HCN1: variants seen among roughly 807,000 people sequenced by gnomAD.
The protein encoded by HCN1 is potassium/sodium hyperpolarization-activated cyclic nucleotide-gated channel 1.
HCN1 carries 13 observed loss-of-function variants against 78.9 expected under a neutral mutation model. The observed-to-expected ratio is 0.16, with a 90% CI of 0.11 to 0.26. HCN1 has a LOEUF of 0.26. Ranked by LOEUF, HCN1 falls within the 10% of genes least tolerant of loss-of-function variation. The pLI is 1.00. For synonymous variants in HCN1, 552 were observed against 455.5 expected, an observed-to-expected ratio of 1.21 and a Z score of -2.70; for missense variants, 810 against 1,154.3, an observed-to-expected ratio of 0.70 and a Z score of 4.32.
At chr5:45,262,889 A>G (rs1334958196) in intron 7 of HCN1, 79 bp from the exon 8 acceptor site, 1 of 1,474,604 alleles carries the variant, frequency 6.8e-7, no homozygotes, top group African/African-American at 1.4e-5. Flanking sequence ...GGCTCCTGCA[A>G]ACAGAAGTAT....
chr5:45,616,827 A>G (rs1283771114), intron 2 of HCN1, among the ~76,000 whole-genome samples: 1 of 152,070 alleles, frequency 6.6e-6, no homozygotes, highest in Non-Finnish European at 1.5e-5. Flanking sequence ...TAATCAAAAT[A>G]AAGTAACTAT....
At chr5:45,692,746 G>A (rs187383177) in intron 1 of HCN1, among the ~76,000 whole-genome samples, 1 of 152,192 alleles carries the variant, frequency 6.6e-6, no homozygotes, top group Admixed American at 6.5e-5. Context: ...AGTCTCAGTG[G>A]GAGCACAGCC....
intron 2 of HCN1, among the ~76,000 whole-genome samples, chr5:45,601,585 C>A (rs1339693016): frequency 1.3e-5 from 2 of 152,116 alleles, no homozygotes; most frequent in Non-Finnish European, 2.9e-5. Context: ...GAGGAAAGCA[C>A]ATGATCTTTT....
intron 2 of HCN1, among the ~76,000 whole-genome samples, chr5:45,602,389 A>T (rs1390082379): frequency 2.0e-5 from 3 of 152,156 alleles, no homozygotes; most frequent in Non-Finnish European, 2.9e-5. Context: ...CAGAGGAAAG[A>T]CCATGTGAGG....
intron 3 of HCN1, among the ~76,000 whole-genome samples, chr5:45,410,455 C>A (rs577852073): frequency 1.3e-5 from 2 of 152,064 alleles, no homozygotes; most frequent in South Asian, 4.1e-4. Flanking sequence ...TATAGAGAAC[C>A]ATTCTCCTAT....
chr5:45,574,084 T>C lies in HCN1; in HGVS notation c.849+71101A>G, dbSNP rs549185151. Among the ~76,000 whole-genome samples, 12 of 152,232 alleles carry C rather than the reference T, an allele frequency of 7.9e-5. No homozygotes were observed. In the East Asian group the frequency reaches 2.3e-3, roughly 29 times the overall value. ...AGTATATGAATCATAAAATTTTATT[T>C]TTCCTATCCTATCCACAATACCATG... On this transcript the variant is annotated intron_variant, in intron 2 of 7. Coordinates refer to ENST00000303230, the MANE Select transcript of HCN1 (RefSeq NM_021072.4).
intron 2 of HCN1, among the ~76,000 whole-genome samples, chr5:45,499,068 T>G (rs1224461219): frequency 6.6e-6 from 1 of 152,184 alleles, no homozygotes; most frequent in African/African-American, 2.4e-5. Flanking sequence ...AGGTGGAGCC[T>G]ACAGAGGCAG....
intron 1 of HCN1, among the ~76,000 whole-genome samples, chr5:45,687,551 A>T (rs1301038259): frequency 6.6e-6 from 1 of 152,012 alleles, no homozygotes; most frequent in Non-Finnish European, 1.5e-5. Flanking sequence ...TTTCATAGCA[A>T]CGTGTTCTTA....
chr5:45,512,251 T>G (rs1742431365), intron 2 of HCN1, among the ~76,000 whole-genome samples: 1 of 152,116 alleles, frequency 6.6e-6, no homozygotes, highest in Non-Finnish European at 1.5e-5. Context: ...AAATGCTATT[T>G]GCTAGGAACA....
rs190722862 is a variant in HCN1 at position 45,445,190 on chromosome 5, C to T, written c.1011+16656G>A. Among the ~76,000 whole-genome samples the T allele has an allele frequency of 1.8e-3, 268 of 152,282 alleles. 1 individual carries two copies. The highest frequency in any genetic ancestry group is 6.2e-3 in the African/African-American group (259 of 41,562). ...TCGGGTCACTCCCACCCGAATACTG[C>T]ACTTTTCTGACGGGCTTAGAAAACG... On this transcript the variant is annotated intron_variant, in intron 3 of 7. Coordinates refer to ENST00000303230, the MANE Select transcript of HCN1 (RefSeq NM_021072.4).
At chr5:45,285,965 G>T (rs973261888) in intron 6 of HCN1, among the ~76,000 whole-genome samples, 1 of 151,574 alleles carries the variant, frequency 6.6e-6, no homozygotes, top group Admixed American at 6.6e-5. Flanking sequence ...TTATAGTTTG[G>T]GGAGACAAAC....
At chr5:45,634,480 C>T (rs1189708967) in intron 2 of HCN1, among the ~76,000 whole-genome samples, 1 of 151,978 alleles carries the variant, frequency 6.6e-6, no homozygotes, top group Non-Finnish European at 1.5e-5. Flanking sequence ...TTACTCATAA[C>T]CTAGCAGTCA....
At chr5:45,483,525 T>C (rs568174517) in intron 2 of HCN1, among the ~76,000 whole-genome samples, 26 of 152,318 alleles carry the variant, frequency 1.7e-4, no homozygotes, top group African/African-American at 6.0e-4. Context: ...ATATTAAGGC[T>C]TTGTCGGATG....
chr5:45,478,990 A>T (rs1741585136), intron 2 of HCN1, among the ~76,000 whole-genome samples: 1 of 151,978 alleles, frequency 6.6e-6, no homozygotes, highest in South Asian at 2.1e-4. Context: ...GCAAGGTGGC[A>T]CGTTCCTATA....
chr5:45,657,543 T>C lies in HCN1; in HGVS notation c.426-11935A>G, dbSNP rs186925499. On this transcript the variant is annotated intron_variant, in intron 1 of 7. Coordinates refer to ENST00000303230, the MANE Select transcript of HCN1 (RefSeq NM_021072.4). ...TTAAATTATTTATAAATTTACTAAG[T>C]TCTGCAAAAAGGTTTTGTAATTTGC... Among the ~76,000 whole-genome samples the C allele has an allele frequency of 6.5e-3, 989 of 152,312 alleles. 4 individuals are homozygous for C. The highest frequency in any genetic ancestry group is 0.023 in the African/African-American group (955 of 41,568).
chr5:45,267,222 A>T lies in HCN1; in HGVS notation c.1650T>A (p.Thr550=), dbSNP rs1379109172. The T allele has an allele frequency of 1.2e-6, 2 of 1,614,104 alleles. No individual in the cohort carries two copies. The highest frequency in any genetic ancestry group is 1.7e-6 in the Non-Finnish European group (2 of 1,179,976). ...EICLLTKGRR[T]ASVRADTYCR... is the part of the protein sequence containing the mutation. ...AATATGTATCAGCTCGAACACTGGC[A>T]GTACGACGTCCTTTGGTCAGCAGGC... Residue 550 remains threonine (T), a synonymous_variant, in exon 7 of 8, where the codon ACT becomes ACA. Coordinates refer to ENST00000303230, the MANE Select transcript of HCN1 (RefSeq NM_021072.4).
intron 2 of HCN1, among the ~76,000 whole-genome samples, chr5:45,548,451 A>G (rs1204784749): frequency 6.6e-6 from 1 of 152,062 alleles, no homozygotes; most frequent in African/African-American, 2.4e-5. Context: ...ACAGCCCTTC[A>G]TGCTAAAAAC....
chr5:45,336,963 T>C (rs1746469899), intron 5 of HCN1, among the ~76,000 whole-genome samples: 1 of 151,932 alleles, frequency 6.6e-6, no homozygotes, highest in African/African-American at 2.4e-5. Flanking sequence ...ACCTTGGGGA[T>C]TAGGATTTCA....
chr5:45,268,185 A>G (rs190060975), intron 6 of HCN1, among the ~76,000 whole-genome samples: 1 of 152,322 alleles, frequency 6.6e-6, no homozygotes, highest in African/African-American at 2.4e-5. Context: ...TATTTAAATG[A>G]CTTTTAAGGG....
Sources: allele counts gnomAD v4.1 joint callset (sites outside exome capture counted in the v4.1 genomes callset), GRCh38; gene constraint gnomAD v4.1.1; transcripts MANE v1.5; gene names NCBI Gene and HGNC (gene_info 2026-07-23, HGNC 2026-07-21).